The following CALN1 variants were observed in gnomAD, a reference collection of about 807,000 sequenced individuals.
The protein encoded by CALN1 is calneuron 1, also known as calcium-binding protein 8.
CALN1 carries 17 observed loss-of-function variants against 30.6 expected under a neutral mutation model. The ratio of observed to expected loss-of-function variants is 0.56; its 90% CI spans 0.38 to 0.83. CALN1 has a LOEUF of 0.83. CALN1 is among the 40% of genes least tolerant of loss of function. CALN1 has a pLI of 0.00. For synonymous variants in CALN1, 156 were observed against 131.4 expected, an observed-to-expected ratio of 1.19 and a Z score of -1.28; for missense variants, 291 against 354.9, an observed-to-expected ratio of 0.82 and a Z score of 1.45.
chr7:72,356,387 T>C (rs1306705176), intron 2 of CALN1, among the ~76,000 whole-genome samples: 1 of 151,934 alleles, frequency 6.6e-6, no homozygotes, highest in African/African-American at 2.4e-5. Flanking sequence ...TTGCACAAAA[T>C]GTAGGAATGG....
At chr7:71,921,984 A>T (rs2129517860) in intron 5 of CALN1, among the ~76,000 whole-genome samples, 1 of 152,316 alleles carries the variant, frequency 6.6e-6, no homozygotes, top group South Asian at 2.1e-4. Context: ...ATTAGGCAAC[A>T]ATGAGTGCGT....
chr7:72,127,968 C>A (rs10236715), intron 3 of CALN1, among the ~76,000 whole-genome samples: 125 of 151,808 alleles, frequency 8.2e-4, no homozygotes, highest in African/African-American at 3.0e-3. Context: ...TCACAATATT[C>A]CATGAAAAAA....
intron 4 of CALN1, among the ~76,000 whole-genome samples, chr7:72,102,882 G>A (rs777801995): frequency 1.3e-4 from 20 of 151,962 alleles, no homozygotes; most frequent in Non-Finnish European, 2.6e-4. Flanking sequence ...AGACCATCCT[G>A]CCCACCATGG....
chr7:72,138,594 T>TA (rs1262051807), intron 3 of CALN1, among the ~76,000 whole-genome samples: 1 of 152,256 alleles, frequency 6.6e-6, no homozygotes, highest in Non-Finnish European at 1.5e-5. Flanking sequence ...GTGCGTATTT[T>TA]AGCACCGGCT....
chr7:72,171,060 G>A (rs1788920388), intron 3 of CALN1, among the ~76,000 whole-genome samples: 1 of 152,198 alleles, frequency 6.6e-6, no homozygotes, highest in Non-Finnish European at 1.5e-5. Flanking sequence ...GGGGGGCTGA[G>A]GTGGGAGGAT....
At chr7:72,374,765 C>T (rs1804451904) in intron 2 of CALN1, among the ~76,000 whole-genome samples, 1 of 152,064 alleles carries the variant, frequency 6.6e-6, no homozygotes, top group African/African-American at 2.4e-5. Flanking sequence ...CAATAAATTT[C>T]CTCATGTATC....
At chr7:72,211,038 A>G (rs1034104740) in intron 3 of CALN1, among the ~76,000 whole-genome samples, 1 of 152,132 alleles carries the variant, frequency 6.6e-6, no homozygotes, top group Non-Finnish European at 1.5e-5. Flanking sequence ...TGGATGACAG[A>G]GCAAGACCCT....
intron 1 of CALN1, among the ~76,000 whole-genome samples, chr7:72,420,621 CTTTT>C (rs1162542514): frequency 7.6e-6 from 1 of 131,308 alleles, no homozygotes; most frequent in African/African-American, 2.9e-5. Flanking sequence ...CTGGATGCAT[CTTTT>C]TTTTTTTTTT....
chr7:72,203,524 C>T (rs1361978498), intron 3 of CALN1, among the ~76,000 whole-genome samples: 1 of 152,066 alleles, frequency 6.6e-6, no homozygotes, highest in Non-Finnish European at 1.5e-5. Flanking sequence ...TGATAACTCC[C>T]CTTCTCCCTG....
chr7:71,860,855 G>GCTA (rs1415320126), intron 5 of CALN1, among the ~76,000 whole-genome samples: 4 of 152,122 alleles, frequency 2.6e-5, no homozygotes, highest in Non-Finnish European at 4.4e-5. Context: ...CCTGGGTGGT[G>GCTA]CTACTCTCAC....
intron 4 of CALN1, among the ~76,000 whole-genome samples, chr7:72,029,862 G>A (rs913953284): frequency 1.3e-5 from 2 of 152,160 alleles, no homozygotes; most frequent in African/African-American, 4.8e-5. Context: ...TGAGTTATGT[G>A]AACTGCTCTA....
intron 3 of CALN1, among the ~76,000 whole-genome samples, chr7:72,273,666 G>A (rs1004765255): frequency 6.6e-6 from 1 of 151,812 alleles, no homozygotes; most frequent in Non-Finnish European, 1.5e-5. Flanking sequence ...CTACAGGCAT[G>A]CACCAACACA....
At chr7:72,221,411 G>A (rs1218683048) in intron 3 of CALN1, among the ~76,000 whole-genome samples, 3 of 146,320 alleles carry the variant, frequency 2.1e-5, no homozygotes, top group Admixed American at 7.1e-5. Flanking sequence ...TCCGCCTCCT[G>A]GATTCAAGCA....
At chr7:71,857,726 A>G (rs548588738) in intron 5 of CALN1, among the ~76,000 whole-genome samples, 1 of 152,324 alleles carries the variant, frequency 6.6e-6, no homozygotes, top group South Asian at 2.1e-4. Flanking sequence ...TGTAAATTAA[A>G]TTGTTCAATT....
intron 3 of CALN1, among the ~76,000 whole-genome samples, chr7:72,129,636 T>C (rs1563082543): frequency 1.3e-5 from 2 of 152,114 alleles, no homozygotes; most frequent in African/African-American, 2.4e-5. Flanking sequence ...TCAAATAATA[T>C]AGGAAGAAGG....
In CALN1 at chr7:72,403,374, G is replaced by A. The variant is rs112826886; in HGVS notation, c.-5C>T. Reference sequence around the variant, plus strand: ...GGGTTGCTCTGGCAGCCGCATCGGGGGTCCAGGGCGATGTTCTCAGAGAGA... The same window carrying A: ...GGGTTGCTCTGGCAGCCGCATCGGGAGTCCAGGGCGATGTTCTCAGAGAGA... On this transcript the variant is annotated 5_prime_UTR_variant, in exon 2 of 7. Coordinates refer to ENST00000395275, the MANE Select transcript of CALN1 (RefSeq NM_031468.4). 6.5e-7 allele frequency: 1 copy of A among 1,542,164 alleles called. No individual in the cohort carries two copies. Among genetic ancestry groups the A allele is most frequent in the Non-Finnish European group, 8.7e-7 (1 of 1,144,182 alleles).
intron 2 of CALN1, among the ~76,000 whole-genome samples, chr7:72,400,112 G>A (rs1368715881): frequency 2.0e-5 from 3 of 152,058 alleles, no homozygotes; most frequent in Non-Finnish European, 4.4e-5. Flanking sequence ...CCAATCTCAG[G>A]TATTCCTTTA....
chr7:72,403,914 C>T (rs749117014), intron 1 of CALN1, among the ~76,000 whole-genome samples: 6 of 152,238 alleles, frequency 3.9e-5, no homozygotes, highest in Non-Finnish European at 7.3e-5. Context: ...GCCTCCCAAA[C>T]TTAGTCATGC....
At chr7:72,157,632 G>T (rs1346419366) in intron 3 of CALN1, among the ~76,000 whole-genome samples, 1 of 152,230 alleles carries the variant, frequency 6.6e-6, no homozygotes, top group Non-Finnish European at 1.5e-5. Context: ...AACTGGAGGA[G>T]AGGAGGAAGG....
Sources: gnomAD v4.1 joint callset for allele counts (sites outside exome capture counted in the v4.1 genomes callset) on GRCh38, gnomAD v4.1.1 for gene constraint, MANE v1.5 for transcripts, NCBI Gene and HGNC (gene_info 2026-07-23, HGNC 2026-07-21) for gene names.